C5orf24: variants seen among roughly 807,000 people sequenced by gnomAD.
The protein encoded by C5orf24 is chromosome 5 open reading frame 24.
C5orf24 carries 4 observed loss-of-function variants against 9.8 expected under a neutral mutation model. That is an observed-to-expected ratio of 0.41 (90% confidence interval 0.20 to 0.93). The LOEUF (loss-of-function observed/expected upper bound fraction) is 0.93. Among genes scored for constraint, C5orf24 ranks in the 40% least tolerant of loss-of-function variants. The pLI is 0.33. For synonymous variants in C5orf24, 73 were observed against 81.3 expected, an observed-to-expected ratio of 0.90 and a Z score of 0.55; for missense variants, 170 against 236.9, an observed-to-expected ratio of 0.72 and a Z score of 1.85.
At position 134,856,911 on chromosome 5, in the gene C5orf24, T is replaced by C. The variant is rs1756329546; in HGVS notation, c.*1444T>C. On this transcript the variant is annotated 3_prime_UTR_variant, in exon 2 of 2. Transcript: ENST00000394976. ...CTATGCATGAAACATGTAAAAAATA[T>C]GTTGGTTAGTTTAATTAAAAATCTT... 3.0e-6 allele frequency: 3 copies of C among 1,001,354 alleles called. No homozygotes were observed. Among genetic ancestry groups the C allele is most frequent in the South Asian group, 4.7e-5 (1 of 21,344 alleles). The allele number at this position is 1,001,354 out of a possible 1,614,324, so 62.0% of individuals were successfully genotyped here. A position where few individuals can be genotyped will look rare whatever the true frequency, so the allele number is the denominator to read the frequency against.
At chr5:134,843,084 C>A (rs537982957), upstream of C5orf24, among the ~76,000 whole-genome samples, 3 of 151,770 alleles carry the variant, frequency 2.0e-5, no homozygotes, top group Middle Eastern at 0.01. Flanking sequence ...TCAAGTGATT[C>A]TCGTGCCTTA....
rs570482032 is a variant in C5orf24, at chr5:134,858,518, A to T, written c.*3051A>T. The T allele has an allele frequency of 6.0e-6, 1 of 167,104 alleles. No homozygotes were observed. The highest frequency in any genetic ancestry group is 1.9e-4 in the East Asian group (1 of 5,192). 10.4% of individuals were successfully genotyped at this position (167,104 alleles called of 1,614,324 possible). A position where few individuals can be genotyped will look rare whatever the true frequency, so the allele number is the denominator to read the frequency against. The stretch of plus-strand genomic sequence containing the variant: ...TGTATGATTGTTTCTTGAAAGGTAA[A>T]TTGCTAATTTTATACAGTGTAATTC... On this transcript the variant is annotated 3_prime_UTR_variant, in exon 2 of 2. Coordinates refer to ENST00000394976, the MANE Select transcript of C5orf24 (RefSeq NM_001135586.1).
rs1756314476 is a variant in C5orf24, at chr5:134,856,437, TC to T, written c.*971del. 1 of 481,976 alleles carries T rather than the reference TC, an allele frequency of 2.1e-6. No individual in the cohort carries two copies. The highest frequency in any genetic ancestry group is 2.1e-5 in the African/African-American group (1 of 47,162). 29.9% of individuals were successfully genotyped at this position (481,976 alleles called of 1,614,324 possible). On this transcript the variant is annotated 3_prime_UTR_variant, in exon 2 of 2. Transcript: ENST00000394976. Reference sequence around the variant, plus strand: ...AGGCGGATCACTTGAGGTCAGCAGTTCAAGACTAGCCTGGCCAACATGGTGA... The same window carrying T: ...AGGCGGATCACTTGAGGTCAGCAGTTAAGACTAGCCTGGCCAACATGGTGA...
chr5:134,857,441 G>A lies in C5orf24; in HGVS notation c.*1974G>A. 12 of 1,536,412 alleles carry A rather than the reference G, an allele frequency of 7.8e-6. No homozygotes were observed. The highest frequency in any genetic ancestry group is 1.1e-5 in the Non-Finnish European group (12 of 1,138,272). On this transcript the variant is annotated 3_prime_UTR_variant, in exon 2 of 2. Coordinates refer to ENST00000394976, the MANE Select transcript of C5orf24 (RefSeq NM_001135586.1). ...TATGCTGCTCTTTACAGTAAGAGGTGTTGCATTGTATGTGGGGACTATGTG... is the reference window on the plus strand; with the variant it reads ...TATGCTGCTCTTTACAGTAAGAGGTATTGCATTGTATGTGGGGACTATGTG...
Position 134,855,865 on chromosome 5 carries a change from A to T in C5orf24, c.*398A>T, listed in dbSNP as rs1051011115. ...AAAGACACTAACGTATTTTTAACTG[A>T]TGGAGCAAAAAAGCAAACTAATGAA... is the stretch of plus-strand genomic sequence containing the variant. On this transcript the variant is annotated 3_prime_UTR_variant, in exon 2 of 2. Transcript: ENST00000394976. The T allele has an allele frequency of 4.9e-6, 5 of 1,018,934 alleles. No homozygotes were observed. The African/African-American group carries it at 8.7e-5, about 18-fold the overall frequency. The allele number at this position is 1,018,934 out of a possible 1,614,324, so 63.1% of individuals were successfully genotyped here.
intron 1 of C5orf24, among the ~76,000 whole-genome samples, chr5:134,849,254 C>CA (rs368755064): frequency 0.023 from 3,275 of 140,266 alleles, 47 homozygotes; most frequent in Middle Eastern, 0.066. Context: ...GACTTCGTCT[C>CA]AAAAAAAAAA....
At chr5:134,852,819 C>G (rs772881855) in intron 1 of C5orf24, among the ~76,000 whole-genome samples, 3 of 151,968 alleles carry the variant, frequency 2.0e-5, no homozygotes, top group Non-Finnish European at 4.4e-5. Flanking sequence ...GGCGGATCAC[C>G]TGAGGTTGGG....
rs955785801 is a variant in C5orf24, at chr5:134,857,451, A to T, written c.*1984A>T. On this transcript the variant is annotated 3_prime_UTR_variant, in exon 2 of 2. Coordinates refer to ENST00000394976, the MANE Select transcript of C5orf24 (RefSeq NM_001135586.1). ...TTTACAGTAAGAGGTGTTGCATTGT[A>T]TGTGGGGACTATGTGCACTGGCGTC... 2 of 1,519,296 alleles carry T rather than the reference A, an allele frequency of 1.3e-6. No individual in the cohort carries two copies. Among genetic ancestry groups the T allele is most frequent in the Non-Finnish European group, 1.8e-6 (2 of 1,128,596 alleles). The allele number at this position is 1,519,296 out of a possible 1,614,324, so 94.1% of individuals were successfully genotyped here.
chr5:134,837,504 T>TCCCCCTA, the C5orf24 span, among the ~76,000 whole-genome samples: 1 of 152,032 alleles, frequency 6.6e-6, no homozygotes, highest in African/African-American at 2.4e-5. Context: ...GTTTGTACCC[T>TCCCCCTA]CCCCCTACCC....
intron 1 of C5orf24, among the ~76,000 whole-genome samples, chr5:134,850,751 A>G (rs2150173985): frequency 6.6e-6 from 1 of 151,950 alleles, no homozygotes; most frequent in South Asian, 2.1e-4. Context: ...TGCTGGGATT[A>G]GAGGCATGAG....
the C5orf24 span, among the ~76,000 whole-genome samples, chr5:134,839,125 T>A: frequency 2.7e-5 from 4 of 149,778 alleles, no homozygotes. Context: ...CCCCTGAGCC[T>A]GGGGAGGTTG....
At chr5:134,847,656 T>G (rs1425198005) in intron 1 of C5orf24, among the ~76,000 whole-genome samples, 4 of 151,976 alleles carry the variant, frequency 2.6e-5, no homozygotes, top group Non-Finnish European at 5.9e-5. Context: ...GTTCTATAAC[T>G]CTTGGCTTCT....
chr5:134,842,315 C>A (rs1184517406), upstream of C5orf24, among the ~76,000 whole-genome samples: 1 of 151,938 alleles, frequency 6.6e-6, no homozygotes, highest in Non-Finnish European at 1.5e-5. Context: ...CATGGTGAAA[C>A]CCTGTCCCTA....
chr5:134,834,604 G>C, the C5orf24 span, among the ~76,000 whole-genome samples: 1 of 152,124 alleles, frequency 6.6e-6, no homozygotes, highest in African/African-American at 2.4e-5. Context: ...ACTTTTTATT[G>C]GTTTAATTTT....
At chr5:134,840,114 C>G in the C5orf24 span, among the ~76,000 whole-genome samples, 1 of 152,014 alleles carries the variant, frequency 6.6e-6, no homozygotes, top group South Asian at 2.1e-4. Context: ...CGAGACCATC[C>G]TGGCCGAAAT....
In C5orf24 at chr5:134,859,635, C is replaced by T. The variant is rs779733526; in HGVS notation, c.*4168C>T. The T allele has an allele frequency of 1.8e-5, 3 of 166,914 alleles. No individual in the cohort carries two copies. Among genetic ancestry groups the T allele is most frequent in the Non-Finnish European group, 2.9e-5 (2 of 68,100 alleles). The allele number at this position is 166,914 out of a possible 1,614,324, so 10.3% of individuals were successfully genotyped here. Reference sequence around the variant, plus strand: ...TTTATGTCCATGAACTTGAGCTACTCGTGTGCAATTATGTGTATGGGAATG... The same window carrying T: ...TTTATGTCCATGAACTTGAGCTACTTGTGTGCAATTATGTGTATGGGAATG... On this transcript the variant is annotated 3_prime_UTR_variant, in exon 2 of 2. Coordinates refer to ENST00000394976, the MANE Select transcript of C5orf24 (RefSeq NM_001135586.1).
chr5:134,847,260 C>G (rs937902271), intron 1 of C5orf24, among the ~76,000 whole-genome samples: 1 of 152,152 alleles, frequency 6.6e-6, no homozygotes, highest in Non-Finnish European at 1.5e-5. Context: ...TTAGTTGACT[C>G]CTGTACATTC....
Position 134,857,310 on chromosome 5 carries a change from A to G in C5orf24, c.*1843A>G. The G allele has an allele frequency of 2.0e-6, 3 of 1,526,898 alleles. No individual in the cohort carries two copies. The highest frequency in any genetic ancestry group is 2.5e-5 in the South Asian group (2 of 81,314). The allele number at this position is 1,526,898 out of a possible 1,614,324, so 94.6% of individuals were successfully genotyped here. On this transcript the variant is annotated 3_prime_UTR_variant, in exon 2 of 2. Transcript: ENST00000394976. ...TGTTTTTTGGGCTTGCTATTAATGC[A>G]AACTCTGATTGCAAATGGATGTCAT...
chr5:134,839,963 T>C, the C5orf24 span, among the ~76,000 whole-genome samples: 2 of 152,184 alleles, frequency 1.3e-5, no homozygotes, highest in Non-Finnish European at 2.9e-5. Flanking sequence ...CCCAAAGTGC[T>C]GGGATTGCAG....
Sources: allele counts gnomAD v4.1 joint callset (sites outside exome capture counted in the v4.1 genomes callset), GRCh38; gene constraint gnomAD v4.1.1; transcripts MANE v1.5; gene names NCBI Gene and HGNC (gene_info 2026-07-23, HGNC 2026-07-21).